Variants in RIMBP2 observed in about 807,000 individuals in gnomAD.
RIMBP2 encodes RIMS binding protein 2.
In RIMBP2, 48 loss-of-function variants were observed where a neutral mutation model predicts 118.6. The observed-to-expected ratio is 0.40, with a 90% confidence interval of 0.32 to 0.51. The LOEUF is 0.51. Ranked by LOEUF, RIMBP2 falls within the 20% of genes least tolerant of loss-of-function variation. The probability of loss-of-function intolerance (pLI) is 0.41; values close to 1 mark genes in which losing one functional copy is unlikely to be tolerated. For missense variants in RIMBP2, 1,551 were observed against 1,768.3 expected, an observed-to-expected ratio of 0.88 and a Z score of 2.20; for synonymous variants, 762 against 742.9, an observed-to-expected ratio of 1.03 and a Z score of -0.42.
At chr12:130,506,097 C>G (rs2050316183) in intron 4 of RIMBP2, among the ~76,000 whole-genome samples, 1 of 151,692 alleles carries the variant, frequency 6.6e-6, no homozygotes, top group South Asian at 2.1e-4. Flanking sequence ...AATTTTAACA[C>G]TTGGTGAAAA....
intron 1 of RIMBP2, among the ~76,000 whole-genome samples, chr12:130,715,669 A>T (rs1950276766): frequency 6.6e-6 from 1 of 152,130 alleles, no homozygotes; most frequent in South Asian, 2.1e-4. Context: ...ACGTGAATTG[A>T]CAGATTCCTG....
At position 130,621,206 on chromosome 12, in the gene RIMBP2, G is replaced by A. The variant is rs191473506; in HGVS notation, c.-217+7116C>T. Among the ~76,000 whole-genome samples, 2 of 152,258 alleles carry A rather than the reference G, an allele frequency of 1.3e-5. No homozygotes were observed. Among genetic ancestry groups the A allele is most frequent in the East Asian group, 1.9e-4 (1 of 5,162 alleles). ...GCTCTGGAGATGGGTCTTCTGAAAGGTGAGGGTTAGGGTGATGGACTCCAG... is the reference window on the plus strand; with the variant it reads ...GCTCTGGAGATGGGTCTTCTGAAAGATGAGGGTTAGGGTGATGGACTCCAG... On this transcript the variant is annotated intron_variant, in intron 2 of 22. Coordinates refer to ENST00000690449, the MANE Select transcript of RIMBP2 (RefSeq NM_001393629.1). This position sits in a 1 kb window ranked among gnomAD's most constrained non-coding sequence, Gnocchi z 6.6.
At chr12:130,459,570 T>C (rs758894725) in intron 6 of RIMBP2, among the ~76,000 whole-genome samples, 1 of 151,942 alleles carries the variant, frequency 6.6e-6, no homozygotes, top group Non-Finnish European at 1.5e-5. Flanking sequence ...GTGAAGATAA[T>C]GAAAGGTACC....
chr12:130,638,079 T>C (rs1251909442), intron 1 of RIMBP2, among the ~76,000 whole-genome samples: 1 of 152,296 alleles, frequency 6.6e-6, no homozygotes, highest in East Asian at 1.9e-4. Flanking sequence ...ATTGGATGAA[T>C]AACTTGTGAG....
At chr12:130,691,246 C>G (rs566679458) in intron 1 of RIMBP2, among the ~76,000 whole-genome samples, 1 of 152,342 alleles carries the variant, frequency 6.6e-6, no homozygotes, top group East Asian at 1.9e-4. Context: ...ACGCTGACCA[C>G]AGCAACGGCT....
Position 130,424,193 on chromosome 12 carries a change from C to T in RIMBP2, c.3078G>A (p.Arg1026=), listed in dbSNP as rs1414490007. 9.7e-6 allele frequency: 12 copies of T among 1,231,898 alleles called. No homozygotes were observed. The highest frequency in any genetic ancestry group is 1.2e-5 in the Non-Finnish European group (12 of 987,988). The allele number at this position is 1,231,898 out of a possible 1,614,324, so 76.3% of individuals were successfully genotyped here. A position where few individuals can be genotyped will look rare whatever the true frequency, so the allele number is the denominator to read the frequency against. ...GTGGCTTTGCGTGGGGGGCAGCTGC[C>T]CTACTGTCGGGCATGGTTATGCTTT... is the stretch of plus-strand genomic sequence containing the variant. ...WKKSITMPDS[R]AAAPHAKPPP... is the part of the protein sequence containing the mutation. The change falls in exon 16 of 23, where the codon AGG becomes AGA. Residue 1026 remains arginine (R), a synonymous_variant. Transcript: ENST00000690449. This position sits in a 1 kb window ranked among gnomAD's most constrained non-coding sequence, Gnocchi z 9.8.
At chr12:130,564,359 G>C (rs915571170) in intron 2 of RIMBP2, among the ~76,000 whole-genome samples, 17 of 151,624 alleles carry the variant, frequency 1.1e-4, no homozygotes, top group Non-Finnish European at 2.2e-4. Context: ...TTCTCATTTA[G>C]ATGCGCCAAA....
intron 2 of RIMBP2, among the ~76,000 whole-genome samples, chr12:130,625,218 T>C (rs1253535269): frequency 6.6e-6 from 1 of 152,246 alleles, no homozygotes; most frequent in Non-Finnish European, 1.5e-5. Context: ...ACTTTAAAGC[T>C]GCTCACACAT....
At chr12:130,579,631 G>A (rs906134744) in intron 2 of RIMBP2, among the ~76,000 whole-genome samples, 10 of 152,096 alleles carry the variant, frequency 6.6e-5, no homozygotes, top group African/African-American at 2.4e-4. Context: ...AGCAAACCTG[G>A]AGGTGGTCTT....
chr12:130,497,090 C>G (rs1196197612), intron 4 of RIMBP2, among the ~76,000 whole-genome samples: 1 of 152,170 alleles, frequency 6.6e-6, no homozygotes, highest in Non-Finnish European at 1.5e-5. Flanking sequence ...GTGGCTTCCT[C>G]CCTGAGCGTC....
chr12:130,690,531 C>T (rs565987524), intron 1 of RIMBP2, among the ~76,000 whole-genome samples: 10 of 152,302 alleles, frequency 6.6e-5, no homozygotes, highest in Middle Eastern at 6.8e-3. Context: ...CTGATGTCTG[C>T]GGTATCCTAG....
At chr12:130,562,549 G>A (rs1475624297) in intron 2 of RIMBP2, among the ~76,000 whole-genome samples, 1 of 152,196 alleles carries the variant, frequency 6.6e-6, no homozygotes, top group Non-Finnish European at 1.5e-5. Context: ...ACTTCTGGAA[G>A]CTCACATAGA....
intron 19 of RIMBP2, among the ~76,000 whole-genome samples, 194 bp from the exon 20 acceptor site, chr12:130,408,023 A>G (rs953933752): frequency 6.6e-6 from 1 of 152,066 alleles, no homozygotes; most frequent in Non-Finnish European, 1.5e-5. Flanking sequence ...ATATTCTTAT[A>G]TTTTTGCTGT....
At chr12:130,698,869 C>G (rs1195884897) in intron 1 of RIMBP2, among the ~76,000 whole-genome samples, 2 of 151,882 alleles carry the variant, frequency 1.3e-5, no homozygotes. Flanking sequence ...ACAAAGAACT[C>G]AAACAAATTT....
At chr12:130,656,510 G>A (rs2063434741) in intron 1 of RIMBP2, among the ~76,000 whole-genome samples, 1 of 152,124 alleles carries the variant, frequency 6.6e-6, no homozygotes, top group Non-Finnish European at 1.5e-5. Flanking sequence ...CAGCTCTGGA[G>A]GCTGGAAGTC....
At chr12:130,478,842 A>T in intron 5 of RIMBP2, 70 bp downstream of exon 5, 2 of 1,174,302 alleles carry the variant, frequency 1.7e-6, no homozygotes, top group East Asian at 4.7e-5. Context: ...CCGCTCCACC[A>T]CACCAGGGAT....
At chr12:130,471,035 C>T (rs1444673312) in intron 5 of RIMBP2, among the ~76,000 whole-genome samples, 1 of 152,186 alleles carries the variant, frequency 6.6e-6, no homozygotes, top group Non-Finnish European at 1.5e-5. Context: ...TCTGACAGCA[C>T]CTTCATCTGC....
At position 130,477,435 on chromosome 12, in the gene RIMBP2, C is replaced by T. The variant is rs117575020; in HGVS notation, c.102+1477G>A. On this transcript the variant is annotated intron_variant, in intron 5 of 22. Coordinates refer to ENST00000690449, the MANE Select transcript of RIMBP2 (RefSeq NM_001393629.1). ...AGTGCAGGTGCCATCAGGCGTCACC[C>T]GGCCACGGGAAAGGTCCTTGAGACA... 1.1e-3 allele frequency among the ~76,000 whole-genome samples: 169 copies of T among 152,248 alleles called. 3 individuals carry two copies. The East Asian group carries it at 0.027, about 24-fold the overall frequency.
In RIMBP2 at chr12:130,414,447, A is replaced by G. The variant is rs1429288886; in HGVS notation, c.3239-141T>C. 3.9e-6 allele frequency: 3 copies of G among 771,064 alleles called. No individual in the cohort carries two copies. In the African/African-American group the frequency reaches 5.2e-5, roughly 13 times the overall value. The allele number at this position is 771,064 out of a possible 1,614,324, so 47.8% of individuals were successfully genotyped here. A position where few individuals can be genotyped will look rare whatever the true frequency, so the allele number is the denominator to read the frequency against. ...TTTTTGTGTCTTAACATGTAGGTGG[A>G]AATAGATCGGGAGGTCTAGGTCAGA... On this transcript the variant is annotated intron_variant, in intron 17 of 22. Transcript: ENST00000690449.
Sources: gnomAD v4.1 joint callset for allele counts (sites outside exome capture counted in the v4.1 genomes callset) on GRCh38, gnomAD v4.1.1 for gene constraint, Gnocchi (gnomAD v3.1) non-coding constraint, MANE v1.5 for transcripts, NCBI Gene and HGNC (gene_info 2026-07-23, HGNC 2026-07-21) for gene names.